Variants in RALYL observed in about 807,000 individuals in gnomAD.
RALYL encodes the protein RALY RNA binding protein like, also known as RNA-binding Raly-like protein.
Under a neutral mutation model 35.1 loss-of-function variants are expected in RALYL, and 29 were observed. The observed-to-expected ratio is 0.83, with a 90% CI of 0.61 to 1.13. RALYL has a LOEUF of 1.13. RALYL is among the 50% of genes most tolerant of loss of function. RALYL has a pLI of 0.00. For missense variants in RALYL, 359 were observed against 360.4 expected, an observed-to-expected ratio of 1.00 and a Z score of 0.03; for synonymous variants, 120 against 127.6, an observed-to-expected ratio of 0.94 and a Z score of 0.40.
chr8:84,426,438 CTGTGTGTGTGTGTG>C (rs71271987), intron 1 of RALYL, among the ~76,000 whole-genome samples: 228 of 136,110 alleles, frequency 1.7e-3, no homozygotes, highest in Non-Finnish European at 2.7e-3. Flanking sequence ...CTCTCTCTCT[CTGTGTGTGTGTGTG>C]TGTGTGTGTG....
chr8:84,328,727 C>T (rs1009951702), intron 1 of RALYL, among the ~76,000 whole-genome samples: 1 of 152,108 alleles, frequency 6.6e-6, no homozygotes, highest in Admixed American at 6.6e-5. Flanking sequence ...GAGCATAGTA[C>T]CCAACAGTTA....
At chr8:84,792,998 C>G (rs1821150238) in intron 3 of RALYL, among the ~76,000 whole-genome samples, 1 of 152,126 alleles carries the variant, frequency 6.6e-6, no homozygotes. Context: ...TTGGACCAAG[C>G]AACTGGACAT....
At chr8:84,816,624 C>T (rs1369026846) in intron 4 of RALYL, among the ~76,000 whole-genome samples, 3 of 151,860 alleles carry the variant, frequency 2.0e-5, no homozygotes, top group African/African-American at 7.3e-5. Context: ...AAGAATACAT[C>T]ACTGGGGCAG....
intron 1 of RALYL, among the ~76,000 whole-genome samples, chr8:84,343,868 G>GT (rs891142931): frequency 1.3e-4 from 16 of 127,436 alleles, no homozygotes; most frequent in Admixed American, 8.3e-4. Context: ...GAGCTCAAGA[G>GT]TTTTTTTGTT....
intron 1 of RALYL, among the ~76,000 whole-genome samples, chr8:84,290,054 T>C (rs1446061185): frequency 6.6e-6 from 1 of 152,198 alleles, no homozygotes; most frequent in Non-Finnish European, 1.5e-5. Context: ...TAGACGCTGA[T>C]ACCACTGTTG....
chr8:84,640,167 A>G (rs909345150), intron 2 of RALYL, among the ~76,000 whole-genome samples: 1 of 152,044 alleles, frequency 6.6e-6, no homozygotes. Context: ...TTGTAAAACA[A>G]TAGTTACTCA....
intron 1 of RALYL, among the ~76,000 whole-genome samples, chr8:84,515,310 T>G (rs560104479): frequency 5.9e-5 from 9 of 152,302 alleles, no homozygotes; most frequent in African/African-American, 2.2e-4. Flanking sequence ...AAGCTCTATT[T>G]TCCTGTGTAA....
intron 2 of RALYL, among the ~76,000 whole-genome samples, chr8:84,535,060 T>C (rs2059506480): frequency 1.3e-5 from 2 of 152,194 alleles, no homozygotes; most frequent in African/African-American, 4.8e-5. Flanking sequence ...TTTTCTCTTA[T>C]TAATAGCTGG....
chr8:84,824,431 G>GGTTGTTTGTCCATAATAGGATC (rs1829209191), intron 4 of RALYL, among the ~76,000 whole-genome samples: 1 of 152,056 alleles, frequency 6.6e-6, no homozygotes, highest in African/African-American at 2.4e-5. Context: ...AAAATGGCCA[G>GGTTGTTTGTCCATAATAGGATC]ACTGCCCAAA....
intron 1 of RALYL, among the ~76,000 whole-genome samples, chr8:84,439,247 A>G (rs1418984699): frequency 6.6e-6 from 1 of 152,048 alleles, no homozygotes; most frequent in African/African-American, 2.4e-5. Flanking sequence ...TGTTTGTGTC[A>G]TCTATGATTT....
chr8:84,208,263 T>C (rs973449228), intron 1 of RALYL, among the ~76,000 whole-genome samples: 1 of 152,208 alleles, frequency 6.6e-6, no homozygotes, highest in African/African-American at 2.4e-5. Flanking sequence ...AATTTTAGTG[T>C]TTGAAATTTT....
intron 4 of RALYL, among the ~76,000 whole-genome samples, chr8:84,836,564 G>A (rs1046850716): frequency 7.2e-5 from 11 of 152,288 alleles, no homozygotes; most frequent in African/African-American, 1.7e-4. Flanking sequence ...GTGTGCATAC[G>A]TATTGGTGAC....
At chr8:84,693,472 C>T (rs1838492590) in intron 2 of RALYL, among the ~76,000 whole-genome samples, 1 of 152,050 alleles carries the variant, frequency 6.6e-6, no homozygotes, top group Non-Finnish European at 1.5e-5. Context: ...ATTCAATTAC[C>T]TTCCACTGGG....
intron 1 of RALYL, among the ~76,000 whole-genome samples, chr8:84,358,312 C>T (rs1454146659): frequency 6.6e-6 from 1 of 151,708 alleles, no homozygotes; most frequent in African/African-American, 2.4e-5. Flanking sequence ...AAAATTGAAA[C>T]ACTTTGAGTA....
chr8:84,567,794 T>C (rs1389850564), intron 2 of RALYL, among the ~76,000 whole-genome samples: 1 of 151,656 alleles, frequency 6.6e-6, no homozygotes, highest in Admixed American at 6.6e-5. Context: ...CTGTTTTCCA[T>C]AGAGGTTTAA....
intron 1 of RALYL, among the ~76,000 whole-genome samples, chr8:84,287,271 T>C (rs1463908264): frequency 6.6e-6 from 1 of 152,034 alleles, no homozygotes; most frequent in East Asian, 1.9e-4. Context: ...TTGAGGATAG[T>C]AGTGGATGAG....
intron 1 of RALYL, among the ~76,000 whole-genome samples, chr8:84,475,093 A>C (rs1587629626): frequency 6.7e-6 from 1 of 149,908 alleles, no homozygotes; most frequent in South Asian, 2.1e-4. Flanking sequence ...TTGGTGTGTG[A>C]TGTTCCCTGC....
At chr8:84,504,157 A>G (rs1175253339) in intron 1 of RALYL, among the ~76,000 whole-genome samples, 2 of 152,090 alleles carry the variant, frequency 1.3e-5, no homozygotes, top group Admixed American at 6.6e-5. Flanking sequence ...AAGTTTTAAA[A>G]TAGGTAAATG....
intron 1 of RALYL, among the ~76,000 whole-genome samples, chr8:84,440,135 T>C (rs1171474635): frequency 6.6e-6 from 1 of 152,124 alleles, no homozygotes; most frequent in Non-Finnish European, 1.5e-5. Context: ...TTTCCTAAGT[T>C]CATACAGACA....
Sources: allele counts gnomAD v4.1 joint callset (sites outside exome capture counted in the v4.1 genomes callset), GRCh38; gene constraint gnomAD v4.1.1; transcripts MANE v1.5; gene names NCBI Gene and HGNC (gene_info 2026-07-23, HGNC 2026-07-21).